The following TRIM33 variants were observed in gnomAD, a reference collection of about 807,000 sequenced individuals.
TRIM33 encodes E3 ubiquitin-protein ligase TRIM33.
A neutral mutation model predicts 125.4 loss-of-function variants in TRIM33; 20 were observed. That is an observed-to-expected ratio of 0.16 (90% CI 0.11 to 0.23). The LOEUF is 0.23. TRIM33 is among the 10% of genes least tolerant of loss of function. The probability of loss-of-function intolerance (pLI) is 1.00; values close to 1 mark genes in which losing one functional copy is unlikely to be tolerated. For missense variants in TRIM33, 920 were observed against 1,411.4 expected, an observed-to-expected ratio of 0.65 and a Z score of 5.58; for synonymous variants, 564 against 513.9, an observed-to-expected ratio of 1.10 and a Z score of -1.32.
Position 114,424,727 on chromosome 1 carries a change from A to C in TRIM33, c.1724T>G (p.Met575Arg). 6.2e-7 allele frequency: 1 copy of C among 1,604,946 alleles called. No individual in the cohort carries two copies. The highest frequency in any genetic ancestry group is 8.5e-7 in the Non-Finnish European group (1 of 1,175,600). ...TCCACAGTTCATGTTGCCTCTTTGCATTGTTTGCACACTGATCAATCGAGG... is the reference window on the plus strand; with the variant it reads ...TCCACAGTTCATGTTGCCTCTTTGCCTTGTTTGCACACTGATCAATCGAGG... The part of the protein sequence containing the change: ...QPPRLISVQT[M>R]QRGNMNCGAF... The change falls in exon 10 of 20, where the codon ATG becomes AGG. Residue 575 changes from methionine to arginine, a missense_variant. Transcript: ENST00000358465.
chr1:114,406,223 G>A (rs1352864609), intron 14 of TRIM33, among the ~76,000 whole-genome samples: 2 of 151,882 alleles, frequency 1.3e-5, no homozygotes, highest in Admixed American at 1.3e-4. Flanking sequence ...TTTTTTATGG[G>A]GGTACTTTCT....
rs1476023040 is a variant in TRIM33, at chr1:114,458,215, G to C, written c.923+4889C>G. Among the ~76,000 whole-genome samples, 8 of 152,134 alleles carry C rather than the reference G, an allele frequency of 5.3e-5. No homozygotes were observed. The East Asian group carries it at 1.5e-3, about 29-fold the overall frequency. The stretch of plus-strand genomic sequence containing the variant: ...GGCTATAAGGTTAGAATTACAGTAG[G>C]AGCCTAAATTCTGCTAAGATTTAGG... On this transcript the variant is annotated intron_variant, in intron 4 of 19. Transcript: ENST00000358465.
chr1:114,397,589 G>GTTTTTTTTTTTTTTTTTGTT lies in TRIM33; in HGVS notation c.*58_*59insAACAAAAAAAAAAAAAAAAA, dbSNP rs66490349. The GTTTTTTTTTTTTTTTTTGTT allele has an allele frequency of 2.2e-5, 14 of 640,632 alleles. No individual in the cohort carries two copies. Among genetic ancestry groups the GTTTTTTTTTTTTTTTTTGTT allele is most frequent in the Non-Finnish European group, 2.8e-5 (12 of 425,874 alleles). 39.7% of individuals were successfully genotyped at this position (640,632 alleles called of 1,614,324 possible). A position where few individuals can be genotyped will look rare whatever the true frequency, so the allele number is the denominator to read the frequency against. On this transcript the variant is annotated 3_prime_UTR_variant, in exon 20 of 20. Transcript: ENST00000358465. The stretch of plus-strand genomic sequence containing the variant: ...CTTAAAAGTTTTCTGGGTTTTTTGT[G>GTTTTTTTTTTTTTTTTTGTT]TTTTTTTTTTTTTTTTCGTTTTTTT...
chr1:114,466,179 T>A (rs17032751), intron 1 of TRIM33, among the ~76,000 whole-genome samples: 6,594 of 152,196 alleles, frequency 0.043, 155 homozygotes, highest in South Asian at 0.063. Context: ...AAGCATGACT[T>A]AAAAACCTCT....
At chr1:114,468,126 A>C (rs1650417836) in intron 1 of TRIM33, among the ~76,000 whole-genome samples, 1 of 152,210 alleles carries the variant, frequency 6.6e-6, no homozygotes. Flanking sequence ...AACCATGCCT[A>C]AGTCTAGTTC....
chr1:114,432,474 T>C (rs1235110842), intron 5 of TRIM33, among the ~76,000 whole-genome samples: 3 of 152,186 alleles, frequency 2.0e-5, no homozygotes, highest in Non-Finnish European at 4.4e-5. Context: ...CCTTTTATTT[T>C]CTTTTGGTGT....
At chr1:114,493,882 A>C (rs911235103) in intron 1 of TRIM33, among the ~76,000 whole-genome samples, 1 of 152,262 alleles carries the variant, frequency 6.6e-6, no homozygotes, top group East Asian at 1.9e-4. Flanking sequence ...GCTGGAGTGC[A>C]GTGGCACGAT....
intron 11 of TRIM33, among the ~76,000 whole-genome samples, chr1:114,419,333 G>A (rs1217739606): frequency 4.6e-5 from 7 of 152,138 alleles, no homozygotes; most frequent in Non-Finnish European, 8.8e-5. Context: ...GTGGCCTCGC[G>A]TCATTAAACT....
At chr1:114,451,893 A>T (rs1462168189) in intron 4 of TRIM33, among the ~76,000 whole-genome samples, 5 of 152,192 alleles carry the variant, frequency 3.3e-5, no homozygotes, top group African/African-American at 1.2e-4. Context: ...GAGGCAAGAA[A>T]AAACAAAACA....
Position 114,421,641 on chromosome 1 carries a change from T to C in TRIM33, c.1861-5A>G, listed in dbSNP as rs369526369. On this transcript the variant is annotated splice_region_variant and splice_polypyrimidine_tract_variant and intron_variant, in intron 10 of 19. Coordinates refer to ENST00000358465, the MANE Select transcript of TRIM33 (RefSeq NM_015906.4). The stretch of plus-strand genomic sequence containing the variant: ...AGCATGCCCTGGGTTTGAGTGCTAA[T>C]AAGAAAGAAGACATTATCATTACTT... 28 of 1,613,734 alleles carry C rather than the reference T, an allele frequency of 1.7e-5. No individual in the cohort carries two copies. Among genetic ancestry groups the C allele is most frequent in the Middle Eastern group, 1.6e-4 (1 of 6,084 alleles).
chr1:114,413,553 C>A (rs1572023233), intron 11 of TRIM33, among the ~76,000 whole-genome samples: 1 of 76,030 alleles, frequency 1.3e-5, no homozygotes, highest in East Asian at 3.1e-4. Flanking sequence ...AATGAAACTC[C>A]ATCTCAAAAA....
intron 1 of TRIM33, among the ~76,000 whole-genome samples, chr1:114,495,910 T>C (rs975445028): frequency 2.0e-5 from 3 of 152,260 alleles, no homozygotes; most frequent in Non-Finnish European, 4.4e-5. Context: ...TTATAAAATG[T>C]ATTATACTGT....
intron 1 of TRIM33, among the ~76,000 whole-genome samples, chr1:114,509,751 G>A (rs1485053008): frequency 3.3e-5 from 5 of 152,104 alleles, no homozygotes; most frequent in Non-Finnish European, 2.9e-5. Context: ...TTGTACTGAG[G>A]ACTCACCTCC....
At position 114,433,747 on chromosome 1, in the gene TRIM33, C is replaced by G. The variant is rs1276128121; in HGVS notation, c.924-14G>C. ...AAAAACTGATACCTTAAAACCAAAA[C>G]AAAACTACATTTAAAACAAAACATT... On this transcript the variant is annotated splice_polypyrimidine_tract_variant and intron_variant, in intron 4 of 19. Coordinates refer to ENST00000358465, the MANE Select transcript of TRIM33 (RefSeq NM_015906.4). The G allele has an allele frequency of 1.3e-5, 18 of 1,432,216 alleles. No individual in the cohort carries two copies. The highest frequency in any genetic ancestry group is 1.7e-5 in the Non-Finnish European group (18 of 1,029,950). The allele number at this position is 1,432,216 out of a possible 1,614,324, so 88.7% of individuals were successfully genotyped here.
intron 1 of TRIM33, among the ~76,000 whole-genome samples, chr1:114,481,671 G>C (rs12076677): frequency 8.3e-6 from 1 of 121,112 alleles, no homozygotes; most frequent in East Asian, 2.0e-4. Flanking sequence ...GTATATATAT[G>C]TGTGTATATA....
chr1:114,459,311 A>C (rs1245616192), intron 4 of TRIM33, among the ~76,000 whole-genome samples: 1 of 152,116 alleles, frequency 6.6e-6, no homozygotes, highest in African/African-American at 2.4e-5. Context: ...TCCCTAAATA[A>C]TGAATCTCCA....
intron 1 of TRIM33, among the ~76,000 whole-genome samples, chr1:114,507,830 T>C (rs994986249): frequency 6.6e-6 from 1 of 152,114 alleles, no homozygotes; most frequent in African/African-American, 2.4e-5. Flanking sequence ...AAAAACACGG[T>C]GGATGGCTAG....
chr1:114,416,238 C>T (rs886668525), intron 11 of TRIM33, among the ~76,000 whole-genome samples: 6 of 152,084 alleles, frequency 3.9e-5, no homozygotes, highest in Admixed American at 6.5e-5. Context: ...TACTGATTAT[C>T]AGGAAAATAT....
At chr1:114,503,734 A>C (rs1652838226) in intron 1 of TRIM33, among the ~76,000 whole-genome samples, 3 of 152,222 alleles carry the variant, frequency 2.0e-5, no homozygotes, top group Non-Finnish European at 4.4e-5. Context: ...TTTCATTTAA[A>C]ATCTCAATTT....
Sources: allele counts gnomAD v4.1 joint callset (sites outside exome capture counted in the v4.1 genomes callset), GRCh38; gene constraint gnomAD v4.1.1; transcripts MANE v1.5; gene names NCBI Gene and HGNC (gene_info 2026-07-23, HGNC 2026-07-21).